The following PEBP4 variants were observed in gnomAD, a reference collection of about 807,000 sequenced individuals.
The protein encoded by PEBP4 is phosphatidylethanolamine binding protein 4.
PEBP4 carries 22 observed loss-of-function variants against 23.9 expected under a neutral mutation model. That is an observed-to-expected ratio of 0.92 (90% CI 0.66 to 1.31). The LOEUF is 1.31. PEBP4 is among the 40% of genes most tolerant of loss of function. The pLI is 0.00. For synonymous variants in PEBP4, 112 were observed against 99.3 expected, an observed-to-expected ratio of 1.13 and a Z score of -0.76; for missense variants, 324 against 281.7, an observed-to-expected ratio of 1.15 and a Z score of -1.07.
At chr8:22,739,331 A>T (rs1461319336) in intron 4 of PEBP4, among the ~76,000 whole-genome samples, 1 of 152,194 alleles carries the variant, frequency 6.6e-6, no homozygotes, top group Non-Finnish European at 1.5e-5. Context: ...TAAGACAAAC[A>T]GGGCTTGAGA....
chr8:22,863,541 AC>A (rs1807823659), intron 3 of PEBP4, among the ~76,000 whole-genome samples: 1 of 152,132 alleles, frequency 6.6e-6, no homozygotes, highest in South Asian at 2.1e-4. Context: ...ATGAGGATGA[AC>A]AGTGGTTAGG....
chr8:22,902,044 C>T (rs146465611), intron 3 of PEBP4, among the ~76,000 whole-genome samples: 6 of 152,302 alleles, frequency 3.9e-5, no homozygotes, highest in Non-Finnish European at 8.8e-5. Flanking sequence ...TTTAGCCGGG[C>T]GCAGTGGCTC....
At chr8:22,897,828 G>A (rs1808619760) in intron 3 of PEBP4, 1 of 152,106 alleles carries the variant, frequency 6.6e-6, no homozygotes, top group Admixed American at 6.6e-5. Context: ...TTCCTATGTT[G>A]AAGCCCTAAC....
intron 4 of PEBP4, among the ~76,000 whole-genome samples, chr8:22,774,155 G>A (rs1805770514): frequency 6.6e-6 from 1 of 152,174 alleles, no homozygotes; most frequent in Admixed American, 6.5e-5. Context: ...AAGGAGGCCA[G>A]GGCTTGAACT....
chr8:22,839,048 G>GA (rs992900625), intron 3 of PEBP4, among the ~76,000 whole-genome samples: 183 of 151,582 alleles, frequency 1.2e-3, no homozygotes, highest in African/African-American at 3.0e-3. Context: ...GCTTTTATGA[G>GA]AAAAAAAAAG....
intron 4 of PEBP4, among the ~76,000 whole-genome samples, chr8:22,748,877 G>A (rs563828233): frequency 6.6e-6 from 1 of 152,276 alleles, no homozygotes; most frequent in African/African-American, 2.4e-5. Flanking sequence ...CTTGCCTGGG[G>A]GAAGGGTGTT....
chr8:22,937,553 A>G (rs145976350), intron 1 of PEBP4, among the ~76,000 whole-genome samples: 2 of 151,316 alleles, frequency 1.3e-5, no homozygotes, highest in Non-Finnish European at 2.9e-5. Context: ...GAAAATGTCA[A>G]TTTTTTTTTA....
chr8:22,838,741 G>A (rs1585300592), intron 3 of PEBP4, among the ~76,000 whole-genome samples: 2 of 152,254 alleles, frequency 1.3e-5, no homozygotes, highest in African/African-American at 4.8e-5. Flanking sequence ...CTCTGCTCTC[G>A]GCCTAAGCCG....
At chr8:22,918,665 C>T (rs762868591) in intron 3 of PEBP4, among the ~76,000 whole-genome samples, 5 of 152,158 alleles carry the variant, frequency 3.3e-5, no homozygotes, top group Non-Finnish European at 5.9e-5. Context: ...TGAAAGCATC[C>T]GACTGACCCT....
chr8:22,713,914 C>A (rs1211113890), intron 6 of PEBP4, among the ~76,000 whole-genome samples: 1 of 152,258 alleles, frequency 6.6e-6, no homozygotes, highest in Non-Finnish European at 1.5e-5. Context: ...TGCCCTCTCC[C>A]TGCAGGCTCC....
chr8:22,899,923 G>A lies in PEBP4; in HGVS notation c.258+20261C>T, dbSNP rs1057465966. On this transcript the variant is annotated intron_variant, in intron 3 of 6. Transcript: ENST00000256404. Reference sequence around the variant, plus strand: ...GTGGAGAGGTTAACCCTTCTCACCCGCAGTCAAGGTGAGTGACAACGGGAG... The same window carrying A: ...GTGGAGAGGTTAACCCTTCTCACCCACAGTCAAGGTGAGTGACAACGGGAG... Among the ~76,000 whole-genome samples, 5 of 152,076 alleles carry A rather than the reference G, an allele frequency of 3.3e-5. No homozygotes were observed. In the East Asian group the frequency reaches 5.8e-4, roughly 18 times the overall value.
intron 3 of PEBP4, among the ~76,000 whole-genome samples, chr8:22,900,764 T>C (rs573857757): frequency 6.6e-6 from 1 of 152,328 alleles, no homozygotes; most frequent in African/African-American, 2.4e-5. Context: ...GTCTATCCTA[T>C]GCTGATTTCC....
chr8:22,925,954 G>C (rs1338230920), intron 2 of PEBP4, among the ~76,000 whole-genome samples: 1 of 152,094 alleles, frequency 6.6e-6, no homozygotes, highest in Non-Finnish European at 1.5e-5. Flanking sequence ...ACTTCACCCA[G>C]AACTGTTTTC....
chr8:22,842,491 T>C (rs972658801), intron 3 of PEBP4, among the ~76,000 whole-genome samples: 1 of 152,172 alleles, frequency 6.6e-6, no homozygotes, highest in African/African-American at 2.4e-5. Context: ...GAATATGGCT[T>C]ACAAAAAGTA....
In PEBP4 at chr8:22,927,686, G is replaced by C. The variant is rs1262585971; in HGVS notation, c.29C>G (p.Ala10Gly). 1.2e-6 allele frequency: 2 copies of C among 1,613,950 alleles called. No individual in the cohort carries two copies. Among genetic ancestry groups the C allele is most frequent in the Non-Finnish European group, 1.7e-6 (2 of 1,179,866 alleles). The change falls in exon 2 of 7, where the codon GCA becomes GGA. Residue 10 changes from alanine (A) to glycine (G), a missense_variant. Transcript: ENST00000256404. MGWTMRLVT[A>G]ALLLGLMMVV... ...CATCATGAGACCCAGTAACAGTGCT[G>C]CTGTGACCAGCCTCATTGTCCAACC...
At chr8:22,722,266 C>G (rs1804534281) in intron 6 of PEBP4, among the ~76,000 whole-genome samples, 1 of 152,196 alleles carries the variant, frequency 6.6e-6, no homozygotes, top group Non-Finnish European at 1.5e-5. Flanking sequence ...TCTCTAGGGC[C>G]CAGCCCTGCT....
At chr8:22,891,945 C>T (rs529137348) in intron 3 of PEBP4, among the ~76,000 whole-genome samples, 3 of 152,248 alleles carry the variant, frequency 2.0e-5, no homozygotes, top group South Asian at 4.1e-4. Context: ...TGGTGACAGG[C>T]GCCTGTAGTC....
rs561424785 is a variant in PEBP4, at chr8:22,775,098, G to C, written c.357+42539C>G. 6.6e-6 allele frequency among the ~76,000 whole-genome samples: 1 copy of C among 152,140 alleles called. No homozygotes were observed. Among genetic ancestry groups the C allele is most frequent in the Non-Finnish European group, 1.5e-5 (1 of 68,036 alleles). On this transcript the variant is annotated intron_variant, in intron 4 of 6. Coordinates refer to ENST00000256404, the MANE Select transcript of PEBP4 (RefSeq NM_144962.3). This position sits in a 1 kb window ranked among gnomAD's most constrained non-coding sequence, Gnocchi z 4.8. ...AAGTTAGCCATGTGATACATTTTCC[G>C]TTGCCTCTCTGGCATCAGTTTCCCC... is the stretch of plus-strand genomic sequence containing the variant.
intron 4 of PEBP4, among the ~76,000 whole-genome samples, chr8:22,759,980 A>G (rs955847263): frequency 6.6e-6 from 1 of 152,082 alleles, no homozygotes; most frequent in Non-Finnish European, 1.5e-5. Context: ...GTCCTTTAAA[A>G]CACAGCTCAG....
Sources: allele counts gnomAD v4.1 joint callset (sites outside exome capture counted in the v4.1 genomes callset), GRCh38; gene constraint gnomAD v4.1.1; non-coding constraint Gnocchi (gnomAD v3.1); transcripts MANE v1.5; gene names NCBI Gene and HGNC (gene_info 2026-07-23, HGNC 2026-07-21).